Variants in ASCL4 observed in about 807,000 individuals in gnomAD.
The protein encoded by ASCL4 is achaete-scute family bHLH transcription factor 4.
In ASCL4, 1 loss-of-function variant was observed where a neutral mutation model predicts 0.3. The ratio of observed to expected loss-of-function variants is 3.35; its 90% CI spans 1.19 to 15.89. The LOEUF is 15.89. Among genes scored for constraint, ASCL4 ranks in the 30% most tolerant of loss-of-function variants. The probability of loss-of-function intolerance (pLI) is 0.12; values close to 1 mark genes in which losing one functional copy is unlikely to be tolerated. For synonymous variants in ASCL4, 137 were observed against 119.5 expected (o/e 1.15, Z -0.96); for missense variants, 330 against 256.9 (o/e 1.28, Z -1.94).
chr12:107,774,897 A>C lies in ASCL4; in HGVS notation c.-322A>C. ...ACCTTTCCAGGCTGGGGGACCAGGC[A>C]GAGGAACCCCCTTTGTTATCTTCTG... is the stretch of plus-strand genomic sequence containing the variant. On this transcript the variant is annotated 5_prime_UTR_variant, in exon 1 of 1. Coordinates refer to ENST00000342331, the MANE Select transcript of ASCL4 (RefSeq NM_203436.3). 2 of 343,292 alleles carry C rather than the reference A, an allele frequency of 5.8e-6. No individual in the cohort carries two copies. The allele number at this position is 343,292 out of a possible 1,614,324, so 21.3% of individuals were successfully genotyped here.
Position 107,776,627 on chromosome 12 carries a change from A to G in ASCL4, c.*890A>G, listed in dbSNP as rs1374134316. The G allele has an allele frequency of 6.1e-6, 1 of 165,138 alleles. No homozygotes were observed. The highest frequency in any genetic ancestry group is 2.4e-5 in the African/African-American group (1 of 41,408). The allele number at this position is 165,138 out of a possible 1,614,324, so 10.2% of individuals were successfully genotyped here. A position where few individuals can be genotyped will look rare whatever the true frequency, so the allele number is the denominator to read the frequency against. ...AGTGGCACTGTGACTTTAAAAATAAAAAAGAAATCTACTTGGAAGTCCTTT... is the reference window on the plus strand; with the variant it reads ...AGTGGCACTGTGACTTTAAAAATAAGAAAGAAATCTACTTGGAAGTCCTTT... On this transcript the variant is annotated 3_prime_UTR_variant, in exon 1 of 1. Coordinates refer to ENST00000342331, the MANE Select transcript of ASCL4 (RefSeq NM_203436.3).
rs553402685 is a variant in ASCL4, at chr12:107,775,758, G to C, written c.*21G>C. 11 of 1,393,330 alleles carry C rather than the reference G, an allele frequency of 7.9e-6. No individual in the cohort carries two copies. Among genetic ancestry groups the C allele is most frequent in the African/African-American group, 1.5e-5 (1 of 65,512 alleles). The allele number at this position is 1,393,330 out of a possible 1,614,324, so 86.3% of individuals were successfully genotyped here. A position where few individuals can be genotyped will look rare whatever the true frequency, so the allele number is the denominator to read the frequency against. On this transcript the variant is annotated 3_prime_UTR_variant, in exon 1 of 1. Coordinates refer to ENST00000342331, the MANE Select transcript of ASCL4 (RefSeq NM_203436.3). The stretch of plus-strand genomic sequence containing the variant: ...GCTAGCGAGCGCCCGAACTGGCCAG[G>C]ACCCCCGCGCCCGCCGCACAGCGCG...
In ASCL4 at chr12:107,775,370, G is replaced by C. The variant is rs762811374; in HGVS notation, c.152G>C (p.Arg51Pro). 5.7e-5 allele frequency: 92 copies of C among 1,603,414 alleles called. No homozygotes were observed. Among genetic ancestry groups the C allele is most frequent in the Non-Finnish European group, 7.3e-5 (86 of 1,175,686 alleles). ...RLDAACWEWA[R>P]SGCARGWQYL... ...GACGCCGCGTGCTGGGAGTGGGCGCGCAGCGGCTGCGCACGGGGATGGCAG... is the reference window on the plus strand; with the variant it reads ...GACGCCGCGTGCTGGGAGTGGGCGCCCAGCGGCTGCGCACGGGGATGGCAG... The change falls in exon 1 of 1, where the codon CGC (arginine) becomes CCC (proline). Residue 51 changes from arginine to proline, a missense_variant. Coordinates refer to ENST00000342331, the MANE Select transcript of ASCL4 (RefSeq NM_203436.3).
rs1891454154 is a variant in ASCL4, at chr12:107,775,747, G to A, written c.*10G>A. On this transcript the variant is annotated 3_prime_UTR_variant, in exon 1 of 1. Coordinates refer to ENST00000342331, the MANE Select transcript of ASCL4 (RefSeq NM_203436.3). ...GGAGGGGGGCAGCTAGCGAGCGCCC[G>A]AACTGGCCAGGACCCCCGCGCCCGC... 7.0e-7 allele frequency: 1 copy of A among 1,424,790 alleles called. No individual in the cohort carries two copies. The highest frequency in any genetic ancestry group is 9.1e-7 in the Non-Finnish European group (1 of 1,096,620). 88.3% of individuals were successfully genotyped at this position (1,424,790 alleles called of 1,614,324 possible).
Position 107,775,894 on chromosome 12 carries a change from G to A in ASCL4, c.*157G>A, listed in dbSNP as rs548401716. The A allele has an allele frequency of 1.0e-5, 9 of 895,038 alleles. No individual in the cohort carries two copies. In the African/African-American group the frequency reaches 1.4e-4, roughly 14 times the overall value. 55.4% of individuals were successfully genotyped at this position (895,038 alleles called of 1,614,324 possible). Reference sequence around the variant, plus strand: ...AAGAAATGGGTGCTGGGGTTTGGGGGATGGGGGAGTTGTTTTGACATTTGG... The same window carrying A: ...AAGAAATGGGTGCTGGGGTTTGGGGAATGGGGGAGTTGTTTTGACATTTGG... On this transcript the variant is annotated 3_prime_UTR_variant, in exon 1 of 1. Transcript: ENST00000342331.
chr12:107,775,290 G>C lies in ASCL4; in HGVS notation c.72G>C (p.Pro24=), dbSNP rs1430449566. 1 of 1,611,820 alleles carries C rather than the reference G, an allele frequency of 6.2e-7. No individual in the cohort carries two copies. Among genetic ancestry groups the C allele is most frequent in the African/African-American group, 1.3e-5 (1 of 74,764 alleles). The change falls in exon 1 of 1, where the codon CCG becomes CCC. Residue 24 remains proline (P), a synonymous_variant. Coordinates refer to ENST00000342331, the MANE Select transcript of ASCL4 (RefSeq NM_203436.3). ...YSLRTAPLGV[P]GTLPGLPRRD... ...TGCGCACCGCGCCCCTGGGCGTTCC[G>C]GGGACCCTGCCCGGACTCCCGCGGA...
chr12:107,775,193 G>A lies in ASCL4; in HGVS notation c.-26G>A, dbSNP rs1263559521. On this transcript the variant is annotated 5_prime_UTR_variant, in exon 1 of 1. The change creates a new upstream start codon in the 5' untranslated region. Transcript: ENST00000342331. ...TTCTATTGAGAGATTGACCTCTTGA[G>A]TGATTTGTGTGCTTTCCGGCAAATG... 2.5e-6 allele frequency: 4 copies of A among 1,606,194 alleles called. No individual in the cohort carries two copies. The highest frequency in any genetic ancestry group is 2.7e-5 in the African/African-American group (2 of 74,428).
At position 107,776,384 on chromosome 12, in the gene ASCL4, A is replaced by G. The variant is rs1193052393; in HGVS notation, c.*647A>G. On this transcript the variant is annotated 3_prime_UTR_variant, in exon 1 of 1. Transcript: ENST00000342331. Reference sequence around the variant, plus strand: ...TGCCAGGGAATCCGTGGCTTGGTACACACTGTTTCATCCAGTGGCCACGTG... The same window carrying G: ...TGCCAGGGAATCCGTGGCTTGGTACGCACTGTTTCATCCAGTGGCCACGTG... 6.0e-6 allele frequency: 1 copy of G among 167,148 alleles called. No homozygotes were observed. The highest frequency in any genetic ancestry group is 2.4e-5 in the African/African-American group (1 of 41,466). 10.4% of individuals were successfully genotyped at this position (167,148 alleles called of 1,614,324 possible). A position where few individuals can be genotyped will look rare whatever the true frequency, so the allele number is the denominator to read the frequency against.
In ASCL4 at chr12:107,775,674, CG is replaced by C; in HGVS notation, c.460del (p.Glu154SerfsTer52). The C allele has an allele frequency of 6.6e-7, 1 of 1,516,534 alleles. No individual in the cohort carries two copies. The allele number at this position is 1,516,534 out of a possible 1,614,324, so 93.9% of individuals were successfully genotyped here. On this transcript the variant is annotated frameshift_variant, in exon 1 of 1. Coordinates refer to ENST00000342331, the MANE Select transcript of ASCL4 (RefSeq NM_203436.3). LOFTEE classifies it high-confidence loss of function. ...AGCGCAGGGCGGAATGCAACAGCGA[CG>C]GGGAGTCCAAGGCCTCTTCGGCGCC... ...PQRRAECNSD[G>X]ESKASSAPSP... is the part of the protein sequence containing the mutation.
At position 107,775,153 on chromosome 12, in the gene ASCL4, TTC is replaced by T. The variant is rs904028352; in HGVS notation, c.-64_-63del. On this transcript the variant is annotated 5_prime_UTR_variant, in exon 1 of 1. Transcript: ENST00000342331. ...TGCACCAGCACCTCTGCTTCTAAGA[TTC>T]TGTTTCGTCTTCTTCTATTGAGAGA... 54 of 1,562,442 alleles carry T rather than the reference TTC, an allele frequency of 3.5e-5. No individual in the cohort carries two copies. Among genetic ancestry groups the T allele is most frequent in the Non-Finnish European group, 4.3e-5 (49 of 1,149,458 alleles).
In ASCL4 at chr12:107,774,904, C is replaced by T. The variant is rs960009027; in HGVS notation, c.-315C>T. ...CAGGCTGGGGGACCAGGCAGAGGAACCCCCTTTGTTATCTTCTGAAAGAAG... is the reference window on the plus strand; with the variant it reads ...CAGGCTGGGGGACCAGGCAGAGGAATCCCCTTTGTTATCTTCTGAAAGAAG... On this transcript the variant is annotated 5_prime_UTR_variant, in exon 1 of 1. Coordinates refer to ENST00000342331, the MANE Select transcript of ASCL4 (RefSeq NM_203436.3). 3 of 369,026 alleles carry T rather than the reference C, an allele frequency of 8.1e-6. No individual in the cohort carries two copies. The highest frequency in any genetic ancestry group is 1.5e-5 in the Non-Finnish European group (3 of 206,200). 22.9% of individuals were successfully genotyped at this position (369,026 alleles called of 1,614,324 possible). A position where few individuals can be genotyped will look rare whatever the true frequency, so the allele number is the denominator to read the frequency against.
At position 107,775,345 on chromosome 12, in the gene ASCL4, G is replaced by C. The variant is rs1200112246; in HGVS notation, c.127G>C (p.Asp43His). ...RDPLRVALRL[D>H]AACWEWARSG... ...CCCCCTCAGGGTCGCCCTGCGTCTG[G>C]ACGCCGCGTGCTGGGAGTGGGCGCG... Residue 43 changes from aspartate (D) to histidine (H), a missense_variant, in exon 1 of 1, where the codon GAC becomes CAC. Transcript: ENST00000342331. The C allele has an allele frequency of 6.2e-7, 1 of 1,608,638 alleles. No homozygotes were observed. The highest frequency in any genetic ancestry group is 1.1e-5 in the South Asian group (1 of 90,878).
Position 107,775,391 on chromosome 12 carries a change from G to T in ASCL4, c.173G>T (p.Trp58Leu), listed in dbSNP as rs909908929. Residue 58 changes from tryptophan to leucine, a missense_variant, in exon 1 of 1, where the codon TGG (tryptophan) becomes TTG (leucine). By Grantham distance (61) the Trp-to-Leu change is moderately conservative. Transcript: ENST00000342331. ...GCGCGCAGCGGCTGCGCACGGGGAT[G>T]GCAGTACTTGCCCGTGCCGCTGGAC... ...EWARSGCARG[W>L]QYLPVPLDSA... 3.8e-6 allele frequency: 6 copies of T among 1,597,820 alleles called. No homozygotes were observed. In the African/African-American group the frequency reaches 8.1e-5, roughly 21 times the overall value.
rs1407465802 is a variant in ASCL4, at chr12:107,776,333, G to T, written c.*596G>T. 3.0e-5 allele frequency: 5 copies of T among 167,156 alleles called. No individual in the cohort carries two copies. Among genetic ancestry groups the T allele is most frequent in the Non-Finnish European group, 7.3e-5 (5 of 68,150 alleles). The allele number at this position is 167,156 out of a possible 1,614,324, so 10.4% of individuals were successfully genotyped here. On this transcript the variant is annotated 3_prime_UTR_variant, in exon 1 of 1. Transcript: ENST00000342331. ...CTTGAGAACGAATTTGCCAGCATGT[G>T]CTGTTGTTGACTGTGTGAATGATGG...
Position 107,775,579 on chromosome 12 carries a change from A to G in ASCL4, c.361A>G (p.Ile121Val). 1 of 1,580,972 alleles carries G rather than the reference A, an allele frequency of 6.3e-7. No individual in the cohort carries two copies. The highest frequency in any genetic ancestry group is 2.3e-5 in the East Asian group (1 of 43,776). ...VETLRAAIDY[I>V]KHLQELLERQ... ...GACGCTCCGCGCTGCCATCGACTACATCAAGCACCTGCAGGAGCTGCTGGA... is the reference window on the plus strand; with the variant it reads ...GACGCTCCGCGCTGCCATCGACTACGTCAAGCACCTGCAGGAGCTGCTGGA... The change falls in exon 1 of 1, where the codon ATC becomes GTC. Residue 121 changes from isoleucine to valine, a missense_variant. Physicochemically the swap from Ile to Val is conservative, Grantham distance 29. Transcript: ENST00000342331.
Position 107,775,499 on chromosome 12 carries a change from G to A in ASCL4, c.281G>A (p.Arg94His). The A allele has an allele frequency of 3.2e-6, 5 of 1,571,770 alleles. No individual in the cohort carries two copies. Among genetic ancestry groups the A allele is most frequent in the Non-Finnish European group, 4.3e-6 (5 of 1,167,420 alleles). The change falls in exon 1 of 1, where the codon CGC becomes CAC. Residue 94 changes from arginine to histidine, a missense_variant. Transcript: ENST00000342331. ...CGCTGCGTGAACGAGGGCTATGCGC[G>A]CCTCCGAGACCACCTGCCCCGGGAG... ...RVRCVNEGYA[R>H]LRDHLPRELA... is the part of the protein sequence containing the mutation.
chr12:107,775,988 C>T lies in ASCL4; in HGVS notation c.*251C>T. 1 of 401,732 alleles carries T rather than the reference C, an allele frequency of 2.5e-6. No homozygotes were observed. Among genetic ancestry groups the T allele is most frequent in the East Asian group, 3.8e-5 (1 of 26,060 alleles). 24.9% of individuals were successfully genotyped at this position (401,732 alleles called of 1,614,324 possible). Reference sequence around the variant, plus strand: ...AGGTGCTTATTAAGGAGACTCTTTTCCTATACTTCTAAAATGCAAACTGTT... The same window carrying T: ...AGGTGCTTATTAAGGAGACTCTTTTTCTATACTTCTAAAATGCAAACTGTT... On this transcript the variant is annotated 3_prime_UTR_variant, in exon 1 of 1. Coordinates refer to ENST00000342331, the MANE Select transcript of ASCL4 (RefSeq NM_203436.3).
rs755062901 is a variant in ASCL4, at chr12:107,775,636, G to C, written c.418G>C (p.Gly140Arg). 1.1e-5 allele frequency: 17 copies of C among 1,557,864 alleles called. No homozygotes were observed. Among genetic ancestry groups the C allele is most frequent in the Non-Finnish European group, 1.4e-5 (16 of 1,161,470 alleles). Residue 140 changes from glycine to arginine, a missense_variant, in exon 1 of 1, where the codon GGC (glycine) becomes CGC (arginine). By Grantham distance (125) the Gly-to-Arg change is moderately radical. Transcript: ENST00000342331. The stretch of plus-strand genomic sequence containing the variant: ...GGCCTGGGGGCTCGAGGGCGCGGCC[G>C]GCGCCGTCCCCCAGCGCAGGGCGGA... The part of the protein sequence containing the change: ...RQAWGLEGAA[G>R]AVPQRRAECN...
Position 107,775,439 on chromosome 12 carries a change from T to C in ASCL4, c.221T>C (p.Leu74Pro), listed in dbSNP as rs896674615. The C allele has an allele frequency of 5.1e-6, 8 of 1,569,414 alleles. No individual in the cohort carries two copies. In the Admixed American group the frequency reaches 9.3e-5, roughly 18 times the overall value. ...GACAGCGCCTTCGAGCCCGCCTTCC[T>C]CCGCAAGCGCAACGAGCGCGAGCGG... Reference protein sequence around the residue: ...PLDSAFEPAFLRKRNERERQR... With the variant: ...PLDSAFEPAFPRKRNERERQR... Residue 74 changes from leucine to proline, a missense_variant, in exon 1 of 1, where the codon CTC becomes CCC. By Grantham distance (98) the Leu-to-Pro change is moderately conservative (BLOSUM62 -3). Coordinates refer to ENST00000342331, the MANE Select transcript of ASCL4 (RefSeq NM_203436.3).
Sources: allele counts gnomAD v4.1 joint callset, GRCh38; gene constraint gnomAD v4.1.1; transcripts MANE v1.5; gene names NCBI Gene and HGNC (gene_info 2026-07-23, HGNC 2026-07-21).